KCNMA1: variants seen among roughly 807,000 people sequenced by gnomAD.
KCNMA1 encodes the protein Calcium-activated potassium channel subunit alpha-1.
In KCNMA1, 29 loss-of-function variants were observed where a neutral mutation model predicts 140.0. The ratio of observed to expected loss-of-function variants is 0.21; its 90% CI spans 0.15 to 0.28. The LOEUF is 0.28. Ranked by LOEUF, KCNMA1 falls within the 10% of genes least tolerant of loss-of-function variation. The probability of loss-of-function intolerance (pLI) is 1.00; values close to 1 mark genes in which losing one functional copy is unlikely to be tolerated. For missense variants in KCNMA1, 880 were observed against 1,602.2 expected, an observed-to-expected ratio of 0.55 and a Z score of 7.70; for synonymous variants, 612 against 611.9, an observed-to-expected ratio of 1.00 and a Z score of 0.00.
At chr10:77,157,254 A>G (rs890243054) in intron 5 of KCNMA1, among the ~76,000 whole-genome samples, 2 of 152,224 alleles carry the variant, frequency 1.3e-5, no homozygotes, top group South Asian at 2.1e-4. Flanking sequence ...ATCCTGGCCA[A>G]CATGGTGAAA....
rs34943268 is a variant in KCNMA1, at chr10:77,039,883, C to CTTTTTTTTTTTTTTTTTTTTTTT, written c.1750-269_1750-247dup. 4.7e-4 allele frequency among the ~76,000 whole-genome samples: 37 copies of CTTTTTTTTTTTTTTTTTTTTTTT among 78,972 alleles called. 1 individual carries two copies. The highest frequency in any genetic ancestry group is 5.7e-4 in the South Asian group (1 of 1,740). 51.8% of individuals were successfully genotyped at this position (78,972 alleles called of 152,430 possible). On this transcript the variant is annotated intron_variant, in intron 14 of 27. Transcript: ENST00000286628. ...TCTTTCCTTTTTCTTTTTTCTTTTTCTTTTTTTTTTTTTTTTTTTTTTTGA... is the reference window on the plus strand; with the variant it reads ...TCTTTCCTTTTTCTTTTTTCTTTTTCTTTTTTTTTTTTTTTTTTTTTTTTTTTTTTTTTTTTTTTTTTTTTTGA...
chr10:76,934,677 TGCA>T (rs1287452427), intron 23 of KCNMA1, among the ~76,000 whole-genome samples: 8 of 152,282 alleles, frequency 5.3e-5, no homozygotes, highest in African/African-American at 1.9e-4. Context: ...CAAACTGACA[TGCA>T]GGATAAGGTA....
intron 5 of KCNMA1, among the ~76,000 whole-genome samples, chr10:77,182,914 G>A (rs1198135478): frequency 6.6e-6 from 1 of 152,186 alleles, no homozygotes; most frequent in Admixed American, 6.5e-5. Context: ...AGGGACCTCA[G>A]TCTCCTGTAA....
At chr10:77,464,420 C>A (rs1023893322) in intron 1 of KCNMA1, among the ~76,000 whole-genome samples, 2 of 151,870 alleles carry the variant, frequency 1.3e-5, no homozygotes, top group African/African-American at 4.8e-5. Flanking sequence ...AGGAAGAAGA[C>A]TTCTTAATGT....
At position 76,939,234 on chromosome 10, in the gene KCNMA1, C is replaced by T. The variant is rs527571064; in HGVS notation, c.2902+5539G>A. 6 of 148,300 alleles carry T rather than the reference C, an allele frequency of 4.0e-5. No homozygotes were observed. In the South Asian group the frequency reaches 1.1e-3, roughly 26 times the overall value. The allele number at this position is 148,300 out of a possible 1,614,324, so 9.2% of individuals were successfully genotyped here. ...CTCCTGGGTTCAAATGATTCTCCTG[C>T]CTTAGCCTCCCAAGTAGCTGGGACT... On this transcript the variant is annotated intron_variant, in intron 23 of 27. Transcript: ENST00000286628.
At position 76,920,016 on chromosome 10, in the gene KCNMA1, G is replaced by GTATATATA. The variant is rs1377571381; in HGVS notation, c.2903-4968_2903-4967insTATATATA. 1.9e-3 allele frequency among the ~76,000 whole-genome samples: 82 copies of GTATATATA among 44,264 alleles called. 1 individual carries two copies. The highest frequency in any genetic ancestry group is 2.2e-3 in the Non-Finnish European group (56 of 24,976). The allele number at this position is 44,264 out of a possible 152,430, so 29.0% of individuals were successfully genotyped here. ...TGTGTGTGTGTGTGTGTGTGTGTGT[G>GTATATATA]TGTGTATATATATATATATATATAT... On this transcript the variant is annotated intron_variant, in intron 23 of 27. Transcript: ENST00000286628.
intron 1 of KCNMA1, among the ~76,000 whole-genome samples, chr10:77,563,711 C>T (rs1237710139): frequency 6.6e-6 from 1 of 152,228 alleles, no homozygotes; most frequent in East Asian, 1.9e-4. Flanking sequence ...ATTCTAGCCA[C>T]AGATCCCCCT....
intron 1 of KCNMA1, among the ~76,000 whole-genome samples, chr10:77,471,262 T>C (rs1476725096): frequency 1.6e-5 from 2 of 125,286 alleles, no homozygotes; most frequent in African/African-American, 3.1e-5. Flanking sequence ...ACAACGCACA[T>C]ACAACACACA....
chr10:77,621,519 C>G (rs1276833626), intron 1 of KCNMA1, among the ~76,000 whole-genome samples: 1 of 137,118 alleles, frequency 7.3e-6, no homozygotes, highest in African/African-American at 3.0e-5. Flanking sequence ...CACATACGTA[C>G]ATGTACACAC....
chr10:77,055,255 C>T (rs61868830), intron 14 of KCNMA1, among the ~76,000 whole-genome samples: 9,015 of 152,044 alleles, frequency 0.059, 375 homozygotes, highest in Non-Finnish European at 0.09. Flanking sequence ...GAAGAAGACC[C>T]GAATTAGAAA....
At chr10:77,489,073 A>G (rs2098500628) in intron 1 of KCNMA1, among the ~76,000 whole-genome samples, 1 of 152,294 alleles carries the variant, frequency 6.6e-6, no homozygotes, top group East Asian at 1.9e-4. Context: ...CAGGAGCCTC[A>G]GACAGGGGTA....
chr10:77,019,670 T>C (rs1342776623), intron 16 of KCNMA1: 3 of 153,106 alleles, frequency 2.0e-5, no homozygotes, highest in African/African-American at 7.2e-5. Flanking sequence ...TGATTCCATG[T>C]ACAGCCTTTA....
chr10:77,311,418 G>A (rs545735253), intron 2 of KCNMA1, among the ~76,000 whole-genome samples: 3 of 152,106 alleles, frequency 2.0e-5, no homozygotes, highest in East Asian at 1.9e-4. Flanking sequence ...CGGCACCAGG[G>A]AAGGACAAGG....
At chr10:77,333,386 A>C (rs61867262) in intron 2 of KCNMA1, among the ~76,000 whole-genome samples, 1 of 105,654 alleles carries the variant, frequency 9.5e-6, no homozygotes, top group Non-Finnish European at 2.0e-5. Flanking sequence ...GAAAGAGAGA[A>C]AGAAAGAAAG....
chr10:77,050,252 G>A (rs997254038), intron 14 of KCNMA1, among the ~76,000 whole-genome samples: 4 of 149,866 alleles, frequency 2.7e-5, no homozygotes, highest in Admixed American at 2.7e-4. Flanking sequence ...TAAAATTGAG[G>A]CCAAAACAAC....
At chr10:77,206,192 T>C in intron 3 of KCNMA1, among the ~76,000 whole-genome samples, 1 of 152,210 alleles carries the variant, frequency 6.6e-6, no homozygotes, top group Non-Finnish European at 1.5e-5. Context: ...TAAAAAATTA[T>C]AAGTGCTAAG....
chr10:77,088,081 C>T (rs1171010776), intron 10 of KCNMA1, among the ~76,000 whole-genome samples: 1 of 152,174 alleles, frequency 6.6e-6, no homozygotes, highest in Non-Finnish European at 1.5e-5. Flanking sequence ...GTGCCTCAGC[C>T]TTCAGAGTAG....
At chr10:77,600,309 G>T (rs887195296) in intron 1 of KCNMA1, among the ~76,000 whole-genome samples, 5 of 152,212 alleles carry the variant, frequency 3.3e-5, no homozygotes, top group African/African-American at 4.8e-5. Flanking sequence ...CCTATCAAAA[G>T]GTAATGGAGG....
At chr10:77,038,351 C>T (rs2094462139) in intron 15 of KCNMA1, among the ~76,000 whole-genome samples, 1 of 152,148 alleles carries the variant, frequency 6.6e-6, no homozygotes, top group South Asian at 2.1e-4. Flanking sequence ...GCAGGAAGTG[C>T]AAGCAAATGG....
Sources: allele counts gnomAD v4.1 joint callset (sites outside exome capture counted in the v4.1 genomes callset), GRCh38; gene constraint gnomAD v4.1.1; transcripts MANE v1.5; gene names NCBI Gene and HGNC (gene_info 2026-07-23, HGNC 2026-07-21).